The following ULK4 variants were observed in gnomAD, a reference collection of about 807,000 sequenced individuals.
The protein encoded by ULK4 is inactive serine/threonine-protein kinase ULK4.
A neutral mutation model predicts 160.6 loss-of-function variants in ULK4; 133 were observed. The observed-to-expected ratio is 0.83, with a 90% CI of 0.72 to 0.96. The LOEUF (loss-of-function observed/expected upper bound fraction) is 0.96, where lower values mean the gene tolerates loss of function less well. Among genes scored for constraint, ULK4 ranks in the 40% least tolerant of loss-of-function variants. ULK4 has a pLI of 0.00. For synonymous variants in ULK4, 534 were observed against 539.8 expected (o/e 0.99, Z 0.15); for missense variants, 1,580 against 1,499.5 (o/e 1.05, Z -0.89).
chr3:41,654,253 A>C (rs953785201), intron 30 of ULK4, among the ~76,000 whole-genome samples: 2 of 152,186 alleles, frequency 1.3e-5, no homozygotes, highest in Non-Finnish European at 2.9e-5. Flanking sequence ...CAGACAAGAC[A>C]ACAAAAAACA....
At chr3:41,664,595 T>C (rs954343903) in intron 29 of ULK4, among the ~76,000 whole-genome samples, 1 of 152,168 alleles carries the variant, frequency 6.6e-6, no homozygotes, top group African/African-American at 2.4e-5. Context: ...AGCAGCTGTG[T>C]TCAGCATAAA....
chr3:41,691,836 T>C (rs918989726), intron 27 of ULK4, among the ~76,000 whole-genome samples: 4 of 151,228 alleles, frequency 2.6e-5, no homozygotes, highest in East Asian at 1.9e-4. Flanking sequence ...ATTAAAATTG[T>C]ACGCTTTAAT....
chr3:41,892,819 C>T (rs1236475222), intron 16 of ULK4, among the ~76,000 whole-genome samples: 1 of 152,198 alleles, frequency 6.6e-6, no homozygotes, highest in Non-Finnish European at 1.5e-5. Context: ...TACCTGCTTC[C>T]TGTTGACCAA....
intron 17 of ULK4, among the ~76,000 whole-genome samples, chr3:41,841,109 C>G (rs1274747198): frequency 4.8e-5 from 7 of 146,048 alleles, no homozygotes; most frequent in Non-Finnish European, 1.0e-4. Context: ...CGCCACCCGT[C>G]TGGGAGGTGA....
At chr3:41,431,275 G>C (rs1276349658) in intron 34 of ULK4, among the ~76,000 whole-genome samples, 1 of 151,604 alleles carries the variant, frequency 6.6e-6, no homozygotes, top group South Asian at 2.1e-4. Context: ...TTGAACCCGG[G>C]GGGCAGAGGT....
chr3:41,856,533 GTATGTA>G (rs1230035739), intron 17 of ULK4, among the ~76,000 whole-genome samples: 1 of 75,900 alleles, frequency 1.3e-5, no homozygotes, highest in African/African-American at 6.6e-5. Flanking sequence ...ATATATATAT[GTATGTA>G]TATATATATG....
chr3:41,842,526 G>C (rs1251965015), intron 17 of ULK4, among the ~76,000 whole-genome samples: 1 of 152,136 alleles, frequency 6.6e-6, no homozygotes, highest in Non-Finnish European at 1.5e-5. Flanking sequence ...TGCCATTCTT[G>C]TGGGATTGAG....
At chr3:41,437,920 C>T (rs1381885485) in intron 34 of ULK4, among the ~76,000 whole-genome samples, 1 of 151,910 alleles carries the variant, frequency 6.6e-6, no homozygotes, top group Non-Finnish European at 1.5e-5. Context: ...GAAGAGAAGG[C>T]CAGTGAGAAG....
intron 35 of ULK4, among the ~76,000 whole-genome samples, chr3:41,357,334 G>A (rs1333806674): frequency 1.3e-5 from 2 of 152,174 alleles, no homozygotes; most frequent in Non-Finnish European, 2.9e-5. Context: ...AGATATCATA[G>A]GAAGAATAAG....
At chr3:41,330,119 CT>C (rs1052307318) in intron 35 of ULK4, among the ~76,000 whole-genome samples, 1 of 152,166 alleles carries the variant, frequency 6.6e-6, no homozygotes, top group Non-Finnish European at 1.5e-5. Flanking sequence ...ACTCAGTGGA[CT>C]GGAGACAATG....
At chr3:41,723,801 G>A (rs2037554474) in intron 22 of ULK4, among the ~76,000 whole-genome samples, 1 of 152,234 alleles carries the variant, frequency 6.6e-6, no homozygotes, top group African/African-American at 2.4e-5. Context: ...TTTATGCACA[G>A]TAAATACTGA....
intron 34 of ULK4, among the ~76,000 whole-genome samples, chr3:41,404,226 A>ATT (rs60508995): frequency 0.018 from 2,385 of 131,760 alleles, 60 homozygotes; most frequent in Admixed American, 0.077. Flanking sequence ...TAGCTCTATC[A>ATT]TTTTTTTTTT....
intron 32 of ULK4, among the ~76,000 whole-genome samples, chr3:41,534,085 C>T (rs1221204568): frequency 1.3e-5 from 2 of 152,182 alleles, no homozygotes; most frequent in Non-Finnish European, 2.9e-5. Flanking sequence ...GGATTACAGG[C>T]GTGAGCCACC....
At chr3:41,923,929 T>C (rs1012216547) in intron 5 of ULK4, among the ~76,000 whole-genome samples, 4 of 152,162 alleles carry the variant, frequency 2.6e-5, no homozygotes, top group Non-Finnish European at 5.9e-5. Flanking sequence ...TTATATAACT[T>C]TTCTGTCCCT....
intron 31 of ULK4, among the ~76,000 whole-genome samples, chr3:41,596,397 C>G (rs951345104): frequency 6.6e-6 from 1 of 152,122 alleles, no homozygotes; most frequent in Non-Finnish European, 1.5e-5. Context: ...TTAATAAAAG[C>G]TGTTGCTCTG....
intron 30 of ULK4, among the ~76,000 whole-genome samples, chr3:41,625,466 T>C (rs1416291137): frequency 6.6e-6 from 1 of 152,184 alleles, no homozygotes; most frequent in Non-Finnish European, 1.5e-5. Context: ...GCACTCTGAA[T>C]TGTGGCGCCA....
chr3:41,880,047 G>T (rs1400182226), intron 17 of ULK4, among the ~76,000 whole-genome samples: 1 of 152,160 alleles, frequency 6.6e-6, no homozygotes, highest in Admixed American at 6.5e-5. Flanking sequence ...TTGAACCTGG[G>T]TGACAGAGGT....
intron 29 of ULK4, among the ~76,000 whole-genome samples, chr3:41,671,001 T>C (rs1413205253): frequency 1.3e-5 from 2 of 152,162 alleles, no homozygotes; most frequent in South Asian, 2.1e-4. Context: ...CAAAACATTA[T>C]ACAATGATTA....
intron 5 of ULK4, among the ~76,000 whole-genome samples, chr3:41,921,038 G>C (rs1490269307): frequency 2.6e-5 from 4 of 152,160 alleles, no homozygotes; most frequent in African/African-American, 9.7e-5. Flanking sequence ...AATAAATGTG[G>C]ACCAGGCTCA....
Sources: allele counts gnomAD v4.1 joint callset (sites outside exome capture counted in the v4.1 genomes callset), GRCh38; gene constraint gnomAD v4.1.1; transcripts MANE v1.5; gene names NCBI Gene and HGNC (gene_info 2026-07-23, HGNC 2026-07-21).